ANO3: variants seen among roughly 807,000 people sequenced by gnomAD.
ANO3 encodes anoctamin-3.
ANO3 carries 99 observed loss-of-function variants against 144.8 expected under a neutral mutation model. The observed-to-expected ratio is 0.68, with a 90% confidence interval of 0.58 to 0.81. The LOEUF (loss-of-function observed/expected upper bound fraction) is 0.81, where lower values mean the gene tolerates loss of function less well. ANO3 is among the 30% of genes least tolerant of loss of function. ANO3 has a pLI of 0.00. For synonymous variants in ANO3, 414 were observed against 392.6 expected (o/e 1.05, Z -0.64); for missense variants, 905 against 1,202.2 (o/e 0.75, Z 3.66).
intron 4 of ANO3, among the ~76,000 whole-genome samples, chr11:26,471,302 A>C (rs1223338250): frequency 2.6e-5 from 4 of 151,908 alleles, no homozygotes; most frequent in Non-Finnish European, 2.9e-5. Flanking sequence ...ATTACTCTGA[A>C]GTAAGGCAGC....
At chr11:26,236,519 CTCA>C (rs1254869683) in intron 1 of ANO3, among the ~76,000 whole-genome samples, 1 of 151,986 alleles carries the variant, frequency 6.6e-6, no homozygotes, top group Non-Finnish European at 1.5e-5. Flanking sequence ...GAAATATTAA[CTCA>C]AGAATCTAAA....
At chr11:26,464,302 A>G (rs1475540387) in intron 4 of ANO3, among the ~76,000 whole-genome samples, 5 of 151,826 alleles carry the variant, frequency 3.3e-5, no homozygotes. Context: ...TATGGTTACT[A>G]AATCTGCCTC....
chr11:26,512,705 T>A (rs970525140), intron 5 of ANO3, among the ~76,000 whole-genome samples: 1 of 152,204 alleles, frequency 6.6e-6, no homozygotes, highest in Admixed American at 6.5e-5. Flanking sequence ...TGCAGAAACA[T>A]CCTTCTAAAG....
In ANO3 at chr11:26,512,784, G is replaced by A. The variant is rs187321619; in HGVS notation, c.592-4043G>A. On this transcript the variant is annotated intron_variant, in intron 5 of 26. Transcript: ENST00000256737. ...GTTGAGAGTAATGAATTAATAACCA[G>A]TACTAGGCAAGCTGTTCATGATGCT... Among the ~76,000 whole-genome samples, 260 of 152,254 alleles carry A rather than the reference G, an allele frequency of 1.7e-3. 2 individuals are homozygous for A. The highest frequency in any genetic ancestry group is 5.9e-3 in the African/African-American group (245 of 41,550).
chr11:26,523,474 C>G (rs1008457151), intron 6 of ANO3, among the ~76,000 whole-genome samples: 3 of 152,200 alleles, frequency 2.0e-5, no homozygotes, highest in African/African-American at 7.2e-5. Context: ...TACCTCCCTT[C>G]ATGTTTACAT....
At chr11:26,327,949 C>T (rs1854928919), upstream of ANO3, among the ~76,000 whole-genome samples, 1 of 152,208 alleles carries the variant, frequency 6.6e-6, no homozygotes, top group African/African-American at 2.4e-5. Flanking sequence ...ATCATCACCT[C>T]CTTTGTCCCA....
chr11:26,418,146 C>T (rs767556376), intron 1 of ANO3, among the ~76,000 whole-genome samples: 1 of 152,040 alleles, frequency 6.6e-6, no homozygotes, highest in Non-Finnish European at 1.5e-5. Context: ...CAAGTAAGAA[C>T]AGCAGCAGGT....
At chr11:26,354,542 A>G (rs1434131814) in intron 1 of ANO3, among the ~76,000 whole-genome samples, 2 of 152,202 alleles carry the variant, frequency 1.3e-5, no homozygotes, top group African/African-American at 4.8e-5. Flanking sequence ...CTTCCAGTAT[A>G]TCCTGTCCCA....
intron 4 of ANO3, among the ~76,000 whole-genome samples, chr11:26,501,919 G>A (rs956450905): frequency 6.6e-6 from 1 of 152,108 alleles, no homozygotes; most frequent in African/African-American, 2.4e-5. Context: ...TTCAGGAGTT[G>A]GTGAGGTTCT....
At chr11:26,655,166 A>G (rs1031851228) in intron 24 of ANO3, among the ~76,000 whole-genome samples, 1 of 152,132 alleles carries the variant, frequency 6.6e-6, no homozygotes, top group African/African-American at 2.4e-5. Context: ...CAGGCTGCCC[A>G]AGAACTTAGC....
chr11:26,439,677 C>A (rs1342829682), intron 1 of ANO3, among the ~76,000 whole-genome samples: 1 of 152,104 alleles, frequency 6.6e-6, no homozygotes, highest in Non-Finnish European at 1.5e-5. Context: ...TGGGATAGAT[C>A]TGTATGTGTT....
chr11:26,588,045 T>C (rs1004098259), intron 14 of ANO3, among the ~76,000 whole-genome samples: 2 of 152,098 alleles, frequency 1.3e-5, no homozygotes, highest in East Asian at 1.9e-4. Flanking sequence ...TAAAAAATTA[T>C]TTTCTGTAAT....
At chr11:26,226,113 A>G (rs1237554015) in intron 1 of ANO3, among the ~76,000 whole-genome samples, 3 of 152,114 alleles carry the variant, frequency 2.0e-5, no homozygotes, top group Non-Finnish European at 4.4e-5. Flanking sequence ...AAATGATACA[A>G]AAGTGTTTCC....
At chr11:26,638,488 C>G (rs1410618383) in intron 20 of ANO3, among the ~76,000 whole-genome samples, 5 of 152,190 alleles carry the variant, frequency 3.3e-5, no homozygotes, top group Non-Finnish European at 7.3e-5. Context: ...AACTGAGAAG[C>G]TGTTCAGACC....
rs1853841555 is a variant in ANO3, at chr11:26,660,371, A to G, written c.2873A>G (p.Tyr958Cys). The G allele has an allele frequency of 6.2e-7, 1 of 1,613,424 alleles. No individual in the cohort carries two copies. Among genetic ancestry groups the G allele is most frequent in the Non-Finnish European group, 8.5e-7 (1 of 1,179,618 alleles). The change falls in exon 27 of 27, where the codon TAT (tyrosine) becomes TGT (cysteine). Residue 958 changes from tyrosine (Y) to cysteine (C), a missense_variant. By Grantham distance (194) the Tyr-to-Cys change is radical. Around this residue, in one of 4 missense-constraint regions of ANO3, gnomAD observed 597 missense variants for 865.1 expected, o/e 0.69. Transcript: ENST00000256737. Reference protein sequence around the residue: ...REKYLVQEMMYEAELEHLQQQ... With the variant: ...REKYLVQEMMCEAELEHLQQQ... ...AAGTACTTAGTTCAAGAAATGATGT[A>G]TGAGGCTGAACTGGAACATTTGCAA...
intron 24 of ANO3, among the ~76,000 whole-genome samples, chr11:26,652,824 T>C (rs1387022206): frequency 1.3e-5 from 2 of 152,240 alleles, no homozygotes; most frequent in African/African-American, 4.8e-5. Flanking sequence ...TCCGTTGAGA[T>C]GTCATGATGA....
chr11:26,405,585 A>G (rs1857256916), intron 1 of ANO3, among the ~76,000 whole-genome samples: 1 of 151,858 alleles, frequency 6.6e-6, no homozygotes, highest in African/African-American at 2.4e-5. Flanking sequence ...CCCTCTATAA[A>G]TGTCATGCAT....
chr11:26,350,152 A>G (rs1370699535), intron 1 of ANO3, among the ~76,000 whole-genome samples: 2 of 152,188 alleles, frequency 1.3e-5, no homozygotes, highest in East Asian at 1.9e-4. Context: ...AGCCAATTCA[A>G]CTATTGATAC....
intron 1 of ANO3, among the ~76,000 whole-genome samples, chr11:26,395,278 G>A (rs550596719): frequency 7.0e-6 from 1 of 143,678 alleles, no homozygotes; most frequent in African/African-American, 2.7e-5. Flanking sequence ...GGTTCCATAT[G>A]AAATTTCAAG....
Sources: gnomAD v4.1 joint callset for allele counts (sites outside exome capture counted in the v4.1 genomes callset) on GRCh38, gnomAD v4.1.1 for gene constraint, gnomAD v4.1.1 regional missense constraint, MANE v1.5 for transcripts, NCBI Gene and HGNC (gene_info 2026-07-23, HGNC 2026-07-21) for gene names.